The following PAX5 variants were observed in gnomAD, a reference collection of about 807,000 sequenced individuals.
PAX5 encodes paired box protein Pax-5.
In PAX5, 9 loss-of-function variants were observed where a neutral mutation model predicts 43.7. That is an observed-to-expected ratio of 0.21 (90% CI 0.12 to 0.36). The LOEUF (loss-of-function observed/expected upper bound fraction) is 0.36, where lower values mean the gene tolerates loss of function less well. Ranked by LOEUF, PAX5 falls within the 10% of genes least tolerant of loss-of-function variation. The probability of loss-of-function intolerance (pLI) is 1.00; values close to 1 mark genes in which losing one functional copy is unlikely to be tolerated. For missense variants in PAX5, 383 were observed against 532.7 expected (o/e 0.72, Z 2.77); for synonymous variants, 228 against 214.3 (o/e 1.06, Z -0.56).
intron 8 of PAX5, among the ~76,000 whole-genome samples, chr9:36,847,825 C>G (rs1355872019): frequency 6.6e-6 from 1 of 152,176 alleles, no homozygotes; most frequent in Non-Finnish European, 1.5e-5. Context: ...GGCCAGGTCA[C>G]TAGGAGGAGA....
At chr9:36,978,459 G>A (rs1835638003) in intron 5 of PAX5, among the ~76,000 whole-genome samples, 2 of 151,950 alleles carry the variant, frequency 1.3e-5, no homozygotes, top group South Asian at 2.1e-4. Flanking sequence ...CCCTTTTATG[G>A]CCTTCATGCA....
chr9:36,997,164 A>G (rs1837466114), intron 5 of PAX5, among the ~76,000 whole-genome samples: 1 of 152,166 alleles, frequency 6.6e-6, no homozygotes, highest in Non-Finnish European at 1.5e-5. Flanking sequence ...CAGACTTGGC[A>G]TCTTCTGGAA....
intron 7 of PAX5, chr9:36,923,059 C>G (rs1025706954): frequency 1.7e-5 from 6 of 355,534 alleles, no homozygotes; most frequent in African/African-American, 1.2e-4. Context: ...GAACACTCAG[C>G]CCCACCCACG....
chr9:36,866,668 G>A (rs1281056190), intron 8 of PAX5, among the ~76,000 whole-genome samples: 1 of 152,156 alleles, frequency 6.6e-6, no homozygotes, highest in African/African-American at 2.4e-5. Context: ...TTGCTTCGGT[G>A]AGGAACTGAG....
chr9:36,877,461 C>T (rs1826020004), intron 8 of PAX5, among the ~76,000 whole-genome samples: 1 of 152,194 alleles, frequency 6.6e-6, no homozygotes, highest in South Asian at 2.1e-4. Context: ...ACCACCAGCC[C>T]ACCAGAGGCC....
chr9:36,960,638 A>G (rs1833889383), intron 6 of PAX5, among the ~76,000 whole-genome samples: 1 of 152,208 alleles, frequency 6.6e-6, no homozygotes, highest in African/African-American at 2.4e-5. Flanking sequence ...GGTGAGCAGA[A>G]TAATCCAGGC....
intron 7 of PAX5, among the ~76,000 whole-genome samples, chr9:36,907,971 G>A (rs150693256): frequency 3.5e-4 from 54 of 152,258 alleles, no homozygotes; most frequent in African/African-American, 1.3e-3. Context: ...AGGTCAAGGT[G>A]GGAGGATTGC....
chr9:36,999,488 G>A (rs1239828988), intron 5 of PAX5, among the ~76,000 whole-genome samples: 1 of 152,164 alleles, frequency 6.6e-6, no homozygotes, highest in East Asian at 1.9e-4. Context: ...TGCAAGATCT[G>A]GGCAGGAGGG....
intron 5 of PAX5, among the ~76,000 whole-genome samples, chr9:36,985,845 A>G (rs1836353780): frequency 6.6e-6 from 1 of 152,236 alleles, no homozygotes; most frequent in Non-Finnish European, 1.5e-5. Context: ...CACCGGTGCA[A>G]GAGACAAAAA....
At chr9:36,885,530 C>G (rs1826839406) in intron 7 of PAX5, among the ~76,000 whole-genome samples, 1 of 152,180 alleles carries the variant, frequency 6.6e-6, no homozygotes, top group Non-Finnish European at 1.5e-5. Flanking sequence ...CTACTATGAT[C>G]CCTATTTTAC....
chr9:36,843,791 G>A (rs1226287585), intron 9 of PAX5, among the ~76,000 whole-genome samples: 1 of 152,212 alleles, frequency 6.6e-6, no homozygotes, highest in African/African-American at 2.4e-5. Flanking sequence ...GTGGGCTGGG[G>A]GACTCCATCT....
intron 8 of PAX5, among the ~76,000 whole-genome samples, chr9:36,862,356 G>A (rs1041133556): frequency 4.6e-5 from 7 of 152,120 alleles, no homozygotes; most frequent in Admixed American, 6.5e-5. Flanking sequence ...TCTCCCGCCC[G>A]CAGCAATGAA....
chr9:36,980,831 G>A (rs1181953083), intron 5 of PAX5, among the ~76,000 whole-genome samples: 1 of 152,082 alleles, frequency 6.6e-6, no homozygotes, highest in Non-Finnish European at 1.5e-5. Context: ...ATGCACCTCT[G>A]AAGTTCCCTG....
At chr9:36,935,965 G>A (rs1418381552) in intron 6 of PAX5, among the ~76,000 whole-genome samples, 1 of 152,230 alleles carries the variant, frequency 6.6e-6, no homozygotes, top group Non-Finnish European at 1.5e-5. Context: ...TCGGACTGGG[G>A]CGTATGATGC....
At chr9:36,917,102 T>A (rs1037438142) in intron 7 of PAX5, among the ~76,000 whole-genome samples, 1 of 152,188 alleles carries the variant, frequency 6.6e-6, no homozygotes, top group Non-Finnish European at 1.5e-5. Flanking sequence ...GCCTGGGATG[T>A]TTATATTTTT....
intron 8 of PAX5, among the ~76,000 whole-genome samples, chr9:36,874,124 C>T (rs967184922): frequency 6.6e-6 from 1 of 152,210 alleles, no homozygotes; most frequent in Admixed American, 6.5e-5. Context: ...TCCAGAACCT[C>T]AATACCCTTC....
intron 3 of PAX5, among the ~76,000 whole-genome samples, chr9:37,012,499 C>G (rs1487217126): frequency 6.6e-6 from 1 of 152,210 alleles, no homozygotes; most frequent in Non-Finnish European, 1.5e-5. Flanking sequence ...ACTGGACACT[C>G]AGGACGCCCC....
rs1363548642 is a variant in PAX5, at chr9:36,836,664, G to A, written c.*3896C>T. 4.3e-6 allele frequency: 1 copy of A among 232,706 alleles called. No homozygotes were observed. Among genetic ancestry groups the A allele is most frequent in the Admixed American group, 5.6e-5 (1 of 17,770 alleles). 14.4% of individuals were successfully genotyped at this position (232,706 alleles called of 1,614,324 possible). ...CACCCAGGAAGCAGTTCATTCAGGG[G>A]ACTTGAGATTGTGATCTGTGTTTCC... is the stretch of plus-strand genomic sequence containing the variant. On this transcript the variant is annotated 3_prime_UTR_variant, in exon 10 of 10. Transcript: ENST00000358127.
chr9:36,862,228 G>A lies in PAX5; in HGVS notation c.1013-15299C>T, dbSNP rs529668349. Among the ~76,000 whole-genome samples the A allele has an allele frequency of 3.9e-5, 6 of 152,304 alleles. No homozygotes were observed. The South Asian group carries it at 1.2e-3, about 32-fold the overall frequency. ...TGGTGAGGATTCTAAGAGAAGATGG[G>A]TGTGGAAGCTCTGGGTAAACTGAGG... is the stretch of plus-strand genomic sequence containing the variant. On this transcript the variant is annotated intron_variant, in intron 8 of 9. Transcript: ENST00000358127.
Sources: allele counts gnomAD v4.1 joint callset (sites outside exome capture counted in the v4.1 genomes callset), GRCh38; gene constraint gnomAD v4.1.1; transcripts MANE v1.5; gene names NCBI Gene and HGNC (gene_info 2026-07-23, HGNC 2026-07-21).